The following RBL1 variants were observed in gnomAD, a reference collection of about 807,000 sequenced individuals.
The protein encoded by RBL1 is RB transcriptional corepressor like 1, also known as retinoblastoma-like protein 1.
RBL1 carries 82 observed loss-of-function variants against 123.0 expected under a neutral mutation model. The observed-to-expected ratio is 0.67, with a 90% confidence interval of 0.56 to 0.80. The LOEUF is 0.80. Among genes scored for constraint, RBL1 ranks in the 30% least tolerant of loss-of-function variants. The pLI is 0.00. For synonymous variants in RBL1, 405 were observed against 441.3 expected (o/e 0.92, Z 1.03); for missense variants, 1,171 against 1,299.6 (o/e 0.90, Z 1.52).
rs796752326 is a variant in RBL1, at chr20:37,073,705, G to GAAAAAAAAA, written c.291-5528_291-5520dup. On this transcript the variant is annotated intron_variant, in intron 2 of 21. Coordinates refer to ENST00000373664, the MANE Select transcript of RBL1 (RefSeq NM_002895.5). ...AGAGTGAGATCCTGTCTCAAAAAAA[G>GAAAAAAAAA]AAAAAAAAAAAAAAAAAGAATACAC... 2.1e-3 allele frequency among the ~76,000 whole-genome samples: 220 copies of GAAAAAAAAA among 103,130 alleles called. 16 individuals are homozygous for GAAAAAAAAA. Among genetic ancestry groups the GAAAAAAAAA allele is most frequent in the African/African-American group, 6.8e-3 (178 of 26,258 alleles). 67.7% of individuals were successfully genotyped at this position (103,130 alleles called of 152,430 possible). A position where few individuals can be genotyped will look rare whatever the true frequency, so the allele number is the denominator to read the frequency against.
At chr20:37,081,236 T>A (rs4812768) in intron 2 of RBL1, among the ~76,000 whole-genome samples, 25,981 of 152,174 alleles carry the variant, frequency 0.17, 2,872 homozygotes, top group East Asian at 0.38. Context: ...TTCTTAGGAA[T>A]GAACCTTCCT....
At chr20:37,049,135 G>C (rs748203828) in intron 11 of RBL1, 4 of 220,872 alleles carry the variant, frequency 1.8e-5, no homozygotes, top group Non-Finnish European at 3.6e-5. Context: ...CCCGGGAGAT[G>C]GAGGTGCAGT....
chr20:37,035,202 A>G (rs753268410), intron 15 of RBL1, 40 bp downstream of exon 15: 4 of 1,537,834 alleles, frequency 2.6e-6, no homozygotes, highest in East Asian at 2.3e-5. Context: ...TTAAATTTTT[A>G]TCTCAGAAAA....
intron 2 of RBL1, 147 bp downstream of exon 2, chr20:37,088,842 G>A: frequency 2.2e-6 from 1 of 447,470 alleles, no homozygotes; most frequent in Non-Finnish European, 3.2e-6. Context: ...CAGCCTGGCT[G>A]GCACAGTGAG....
chr20:37,056,172 G>A lies in RBL1; in HGVS notation c.1337C>T (p.Thr446Ile). ...TATGTGAGATCCTGGCTGTTCATCT[G>A]TTGATTGAGTATAGTGTTGACAGAA... Reference protein sequence around the residue: ...ETFCQHYTQSTDEQPGSHIDF... With the variant: ...ETFCQHYTQSIDEQPGSHIDF... Residue 446 changes from threonine (T) to isoleucine (I), a missense_variant, in exon 10 of 22, where the codon ACA becomes ATA. Transcript: ENST00000373664. The A allele has an allele frequency of 6.2e-7, 1 of 1,609,448 alleles. No individual in the cohort carries two copies. Among genetic ancestry groups the A allele is most frequent in the South Asian group, 1.1e-5 (1 of 90,330 alleles).
intron 21 of RBL1, among the ~76,000 whole-genome samples, chr20:37,001,918 T>TAAAAAAAA (rs757774894): frequency 1.4e-3 from 121 of 86,476 alleles, no homozygotes; most frequent in South Asian, 4.5e-3. Context: ...TGCAGAACAA[T>TAAAAAAAA]AAAAAAAAAA....
intron 19 of RBL1, among the ~76,000 whole-genome samples, chr20:37,016,441 C>T (rs568536861): frequency 2.6e-5 from 4 of 152,276 alleles, no homozygotes; most frequent in Admixed American, 6.5e-5. Flanking sequence ...GATTCTAGGA[C>T]ATTATTAAAA....
At chr20:37,038,901 C>T (rs6130402) in intron 14 of RBL1, among the ~76,000 whole-genome samples, 1 of 152,106 alleles carries the variant, frequency 6.6e-6, no homozygotes, top group Non-Finnish European at 1.5e-5. Context: ...CCGCACCTGG[C>T]CTGCAGTCAT....
chr20:37,019,242 C>A (rs2064304006), intron 18 of RBL1, among the ~76,000 whole-genome samples: 1 of 152,094 alleles, frequency 6.6e-6, no homozygotes, highest in Non-Finnish European at 1.5e-5. Flanking sequence ...GCTTGTTTTT[C>A]TGCCCCCAGC....
At chr20:36,999,372 G>C (rs1415797642) in intron 21 of RBL1, among the ~76,000 whole-genome samples, 1 of 152,084 alleles carries the variant, frequency 6.6e-6, no homozygotes, top group Non-Finnish European at 1.5e-5. Context: ...CTGGGAAACA[G>C]AGTGAGACCT....
chr20:37,020,882 A>G (rs1191189580), intron 17 of RBL1, 152 bp from the exon 18 acceptor site: 2 of 564,158 alleles, frequency 3.5e-6, no homozygotes, highest in African/African-American at 3.9e-5. Flanking sequence ...AACATTTATG[A>G]TTTTTTCTAC....
intron 9 of RBL1, among the ~76,000 whole-genome samples, chr20:37,059,268 G>A (rs2065058374): frequency 6.6e-6 from 1 of 152,150 alleles, no homozygotes; most frequent in African/African-American, 2.4e-5. Flanking sequence ...AGATTGTTCT[G>A]TCTACTTTCT....
chr20:37,066,934 T>C, intron 5 of RBL1, 50 bp from the exon 6 acceptor site: 1 of 1,595,908 alleles, frequency 6.3e-7, no homozygotes, highest in Non-Finnish European at 8.5e-7. Context: ...TAGTCAACTT[T>C]TAAAAATCTT....
chr20:37,066,428 T>G (rs961054255), intron 6 of RBL1, among the ~76,000 whole-genome samples: 1 of 152,236 alleles, frequency 6.6e-6, no homozygotes, highest in Middle Eastern at 3.2e-3. Context: ...TTTTTCCTAA[T>G]TATTTGTCAG....
In RBL1 at chr20:37,082,414, A is replaced by C. The variant is rs1265386748; in HGVS notation, c.290+6575T>G. ...GAAGGTGAAGGTATGCTGAACTTAAAAATTGTCAACTTTATGAATTTTATG... is the reference window on the plus strand; with the variant it reads ...GAAGGTGAAGGTATGCTGAACTTAACAATTGTCAACTTTATGAATTTTATG... On this transcript the variant is annotated intron_variant, in intron 2 of 21. Coordinates refer to ENST00000373664, the MANE Select transcript of RBL1 (RefSeq NM_002895.5). Among the ~76,000 whole-genome samples the C allele has an allele frequency of 2.0e-5, 3 of 152,238 alleles. No individual in the cohort carries two copies. In the East Asian group the frequency reaches 5.8e-4, roughly 29 times the overall value.
intron 1 of RBL1, among the ~76,000 whole-genome samples, chr20:37,095,291 C>T (rs2146344698): frequency 6.6e-6 from 1 of 152,218 alleles, no homozygotes; most frequent in Non-Finnish European, 1.5e-5. Flanking sequence ...GGTCTGGCTC[C>T]ATCTCTAACC....
chr20:37,054,026 TATACACACACAC>T (rs1945287765), intron 11 of RBL1, among the ~76,000 whole-genome samples: 3 of 84,698 alleles, frequency 3.5e-5, no homozygotes, highest in Middle Eastern at 6.3e-3. Flanking sequence ...GATACAATTT[TATACACACACAC>T]ACACACACAC....
chr20:37,015,063 C>T, intron 19 of RBL1, among the ~76,000 whole-genome samples: 1 of 70,328 alleles, frequency 1.4e-5, no homozygotes, highest in Non-Finnish European at 3.0e-5. Context: ...GACTGTATCT[C>T]AAAAAAAAAA....
chr20:37,060,244 A>G (rs767408549), intron 9 of RBL1, among the ~76,000 whole-genome samples: 9 of 152,104 alleles, frequency 5.9e-5, no homozygotes, highest in Admixed American at 1.3e-4. Flanking sequence ...CCAATATGCA[A>G]TTAGTCCCCT....
Sources: allele counts gnomAD v4.1 joint callset (sites outside exome capture counted in the v4.1 genomes callset), GRCh38; gene constraint gnomAD v4.1.1; transcripts MANE v1.5; gene names NCBI Gene and HGNC (gene_info 2026-07-23, HGNC 2026-07-21).